The following CDH19 variants were observed in gnomAD, a reference collection of about 807,000 sequenced individuals.
CDH19 encodes cadherin-19.
Under a neutral mutation model 64.2 loss-of-function variants are expected in CDH19, and 67 were observed. The ratio of observed to expected loss-of-function variants is 1.04; its 90% confidence interval spans 0.86 to 1.28. The LOEUF (loss-of-function observed/expected upper bound fraction) is 1.28, where lower values mean the gene tolerates loss of function less well. Among genes scored for constraint, CDH19 ranks in the 50% most tolerant of loss-of-function variants. The probability of loss-of-function intolerance (pLI) is 0.00; values close to 1 mark genes in which losing one functional copy is unlikely to be tolerated. For synonymous variants in CDH19, 346 were observed against 319.3 expected (o/e 1.08, Z -0.89); for missense variants, 1,030 against 929.0 (o/e 1.11, Z -1.41).
chr18:66,548,058 T>C (rs889315960), intron 5 of CDH19, among the ~76,000 whole-genome samples: 2 of 147,282 alleles, frequency 1.4e-5, no homozygotes, highest in Admixed American at 6.8e-5. Context: ...TTATATATGA[T>C]ATATATTGAA....
intron 3 of CDH19, among the ~76,000 whole-genome samples, chr18:66,557,797 T>A (rs906118638): frequency 2.6e-5 from 4 of 151,878 alleles, no homozygotes; most frequent in Non-Finnish European, 5.9e-5. Flanking sequence ...TGTATTTACA[T>A]ATGTGTATAT....
intron 7 of CDH19, among the ~76,000 whole-genome samples, chr18:66,542,186 T>C (rs186325685): frequency 1.3e-5 from 2 of 152,322 alleles, no homozygotes; most frequent in African/African-American, 4.8e-5. Flanking sequence ...TGATATGCAC[T>C]TATACAATCA....
At position 66,511,549 on chromosome 18, in the gene CDH19, T is replaced by TA. The variant is rs975822159; in HGVS notation, c.1576+18dup. 9.9e-7 allele frequency: 1 copy of TA among 1,012,532 alleles called. No individual in the cohort carries two copies. Among genetic ancestry groups the TA allele is most frequent in the African/African-American group, 1.6e-5 (1 of 62,510 alleles). 62.7% of individuals were successfully genotyped at this position (1,012,532 alleles called of 1,614,324 possible). A position where few individuals can be genotyped will look rare whatever the true frequency, so the allele number is the denominator to read the frequency against. ...GTCACAAAAATGTATCAAAACTCATTATGAGTGAATGACATTACCTTGATT... is the reference window on the plus strand; with the variant it reads ...GTCACAAAAATGTATCAAAACTCATTAATGAGTGAATGACATTACCTTGATT... On this transcript the variant is annotated intron_variant, in intron 10 of 11. Coordinates refer to ENST00000262150, the MANE Select transcript of CDH19 (RefSeq NM_021153.4).
At position 66,501,940 on chromosome 18, in the gene CDH19, C is replaced by T. The variant is rs1421702516; in HGVS notation, c.*2872G>A. 6.6e-6 allele frequency: 1 copy of T among 151,948 alleles called. No homozygotes were observed. Among genetic ancestry groups the T allele is most frequent in the African/African-American group, 2.4e-5 (1 of 41,406 alleles). 9.4% of individuals were successfully genotyped at this position (151,948 alleles called of 1,614,324 possible). ...CTAGTCCTAATTTTCTTATTTTTAC[C>T]ATTAAAAATTTGAAGCTTACATACA... On this transcript the variant is annotated 3_prime_UTR_variant, in exon 12 of 12. Transcript: ENST00000262150.
chr18:66,556,127 T>A (rs1301661207), intron 3 of CDH19, among the ~76,000 whole-genome samples: 1 of 151,640 alleles, frequency 6.6e-6, no homozygotes, highest in Non-Finnish European at 1.5e-5. Flanking sequence ...CCAGTCCAGT[T>A]TTTTTAGCAT....
At chr18:66,564,253 T>C (rs1987824159) in intron 3 of CDH19, among the ~76,000 whole-genome samples, 1 of 151,856 alleles carries the variant, frequency 6.6e-6, no homozygotes, top group African/African-American at 2.4e-5. Flanking sequence ...ACTTAAAATA[T>C]TGCATAATAA....
At chr18:66,552,094 C>G (rs1987365478) in intron 4 of CDH19, among the ~76,000 whole-genome samples, 2 of 151,880 alleles carry the variant, frequency 1.3e-5, no homozygotes, top group Admixed American at 1.3e-4. Context: ...AGTTGAAAAA[C>G]TTCTGATTGG....
intron 4 of CDH19, 123 bp from the exon 5 acceptor site, chr18:66,551,381 G>T (rs1987339209): frequency 4.8e-6 from 3 of 619,646 alleles, no homozygotes; most frequent in Non-Finnish European, 8.5e-6. Context: ...ATGTGACAGA[G>T]ACTTCACTAG....
rs928441982 is a variant in CDH19 at position 66,565,135 on chromosome 18, A to G, written c.490+3281T>C. Among the ~76,000 whole-genome samples the G allele has an allele frequency of 9.9e-5, 15 of 152,026 alleles. No individual in the cohort carries two copies. In the South Asian group the frequency reaches 3.1e-3, roughly 31 times the overall value. ...TGACTTGTGGTCTAATAAATCTTAT[A>G]TTTTTGGATGGCAGAAAAATAGTAA... On this transcript the variant is annotated intron_variant, in intron 3 of 11. Coordinates refer to ENST00000262150, the MANE Select transcript of CDH19 (RefSeq NM_021153.4).
At position 66,504,883 on chromosome 18, in the gene CDH19, G is replaced by A; in HGVS notation, c.2248C>T (p.Leu750Phe). ...TTAAAGCGAGGTCCCAACTCATTAA[G>A]GTAATCATAGCTTTCATCCTGATCA... Reference protein sequence around the residue: ...VSDQDESYDYLNELGPRFKRL... With the variant: ...VSDQDESYDYFNELGPRFKRL... Residue 750 changes from leucine to phenylalanine, a missense_variant, in exon 12 of 12, where the codon CTT becomes TTT. Leu to Phe is a conservative substitution (Grantham distance 22). Coordinates refer to ENST00000262150, the MANE Select transcript of CDH19 (RefSeq NM_021153.4). 6.2e-7 allele frequency: 1 copy of A among 1,613,206 alleles called. No individual in the cohort carries two copies. The highest frequency in any genetic ancestry group is 8.5e-7 in the Non-Finnish European group (1 of 1,179,492).
Position 66,568,621 on chromosome 18 carries a change from T to A in CDH19, c.285A>T (p.Arg95Ser), listed in dbSNP as rs775955407. The A allele has an allele frequency of 1.9e-6, 3 of 1,611,470 alleles. No homozygotes were observed. In the African/African-American group the frequency reaches 4.0e-5, roughly 22 times the overall value. ...TCTGTATGGCATATATGTCACCTGT[T>A]CTTTCATCAATGATAAAAGTACTTC... is the stretch of plus-strand genomic sequence containing the variant. Reference protein sequence around the residue: ...GAGSTFIIDERTGDIYAIQKL... With the variant: ...GAGSTFIIDESTGDIYAIQKL... Residue 95 changes from arginine to serine, a missense_variant, in exon 3 of 12, where the codon AGA becomes AGT. Arg to Ser is a moderately radical substitution (Grantham distance 110, BLOSUM62 -1). Transcript: ENST00000262150.
intron 9 of CDH19, among the ~76,000 whole-genome samples, chr18:66,526,267 G>A (rs1371481500): frequency 6.6e-6 from 1 of 152,012 alleles, no homozygotes; most frequent in African/African-American, 2.4e-5. Context: ...ATACATATAT[G>A]TACATTTATA....
chr18:66,512,150 T>C (rs1273870679), intron 9 of CDH19, among the ~76,000 whole-genome samples: 3 of 151,656 alleles, frequency 2.0e-5, no homozygotes, highest in African/African-American at 7.2e-5. Flanking sequence ...TAATGAGATT[T>C]GCAATTGATT....
At chr18:66,529,695 A>G (rs892366509) in intron 9 of CDH19, 150 bp downstream of exon 9, 3 of 205,454 alleles carry the variant, frequency 1.5e-5, no homozygotes, top group African/African-American at 4.8e-5. Context: ...AATATAATAT[A>G]GAATTACAAT....
At chr18:66,562,125 A>G (rs1987745092) in intron 3 of CDH19, among the ~76,000 whole-genome samples, 1 of 151,902 alleles carries the variant, frequency 6.6e-6, no homozygotes, top group Non-Finnish European at 1.5e-5. Context: ...TTCCATGGTC[A>G]GGGTGGGGAG....
intron 7 of CDH19, among the ~76,000 whole-genome samples, chr18:66,542,470 C>T (rs1248396633): frequency 6.6e-6 from 1 of 152,034 alleles, no homozygotes; most frequent in African/African-American, 2.4e-5. Flanking sequence ...CCAGACTATA[C>T]CTCAACTACT....
chr18:66,534,609 GT>G (rs1986585751), intron 8 of CDH19, among the ~76,000 whole-genome samples: 2 of 151,718 alleles, frequency 1.3e-5, no homozygotes. Context: ...AAATATAATT[GT>G]ATGAATAATG....
At chr18:66,515,337 T>C (rs1213023770) in intron 9 of CDH19, among the ~76,000 whole-genome samples, 6 of 151,732 alleles carry the variant, frequency 4.0e-5, no homozygotes, top group Non-Finnish European at 8.9e-5. Context: ...AATGAGTAAA[T>C]GATTTTAAAT....
intron 9 of CDH19, among the ~76,000 whole-genome samples, chr18:66,529,277 C>T (rs1465069800): frequency 6.6e-6 from 1 of 150,980 alleles, no homozygotes; most frequent in Non-Finnish European, 1.5e-5. Flanking sequence ...GGTGTATTTT[C>T]CCTCCATATG....
Sources: gnomAD v4.1 joint callset for allele counts (sites outside exome capture counted in the v4.1 genomes callset) on GRCh38, gnomAD v4.1.1 for gene constraint, MANE v1.5 for transcripts, NCBI Gene and HGNC (gene_info 2026-07-23, HGNC 2026-07-21) for gene names.